The following SORD variants were observed in gnomAD, a reference collection of about 807,000 sequenced individuals.
SORD encodes (R,R)-butanediol dehydrogenase.
SORD carries 18 observed loss-of-function variants against 35.6 expected under a neutral mutation model. The observed-to-expected ratio is 0.51, with a 90% CI of 0.35 to 0.75. The LOEUF is 0.75. Ranked by LOEUF, SORD falls within the 30% of genes least tolerant of loss-of-function variation. SORD has a pLI of 0.01. For missense variants in SORD, 250 were observed against 390.2 expected (o/e 0.64, Z 3.03); for synonymous variants, 106 against 152.9 (o/e 0.69, Z 2.26).
chr15:45,051,475 G>A (rs1950204524), intron 3 of SORD, among the ~76,000 whole-genome samples: 1 of 152,238 alleles, frequency 6.6e-6, no homozygotes, highest in Middle Eastern at 3.4e-3. Context: ...TTGATTTGGG[G>A]GAGCCTGTTA....
At chr15:45,038,622 A>C (rs34533787) in intron 1 of SORD, among the ~76,000 whole-genome samples, 1 of 152,134 alleles carries the variant, frequency 6.6e-6, no homozygotes, top group Non-Finnish European at 1.5e-5. Flanking sequence ...ACTTGAGTTT[A>C]GGGACAAGCA....
chr15:45,026,474 C>T (rs1430558880), intron 1 of SORD, among the ~76,000 whole-genome samples: 1 of 152,102 alleles, frequency 6.6e-6, no homozygotes, highest in African/African-American at 2.4e-5. Flanking sequence ...TGATGTAAGA[C>T]CACCAGCCAC....
intron 3 of SORD, among the ~76,000 whole-genome samples, chr15:45,052,287 T>C (rs936663589): frequency 2.0e-5 from 3 of 152,132 alleles, no homozygotes; most frequent in Middle Eastern, 3.2e-3. Context: ...AACATAAGGA[T>C]TGAATGGCTG....
intron 1 of SORD, among the ~76,000 whole-genome samples, chr15:45,028,371 T>C (rs1350676929): frequency 1.3e-5 from 2 of 152,218 alleles, no homozygotes; most frequent in Non-Finnish European, 1.5e-5. Context: ...TTCTAAATGC[T>C]CCTCTCAATT....
At chr15:45,045,746 G>A (rs1446108421) in intron 3 of SORD, among the ~76,000 whole-genome samples, 1 of 152,024 alleles carries the variant, frequency 6.6e-6, no homozygotes, top group Non-Finnish European at 1.5e-5. Context: ...GCTTACACCT[G>A]TAATCTCAGC....
Position 45,040,267 on chromosome 15 carries a change from A to C in SORD, c.67-141A>C, listed in dbSNP as rs60788258. Reference sequence around the variant, plus strand: ...AGCGTATCCCCTCAGGCATGCACCCAGGAGCAGTGTGGTCTGAGCTTGTGT... The same window carrying C: ...AGCGTATCCCCTCAGGCATGCACCCCGGAGCAGTGTGGTCTGAGCTTGTGT... On this transcript the variant is annotated intron_variant, in intron 1 of 8. Transcript: ENST00000267814. 2,147 of 633,458 alleles carry C rather than the reference A, an allele frequency of 3.4e-3. 39 individuals carry two copies. The African/African-American group carries it at 0.036, about 11-fold the overall frequency. 39.2% of individuals were successfully genotyped at this position (633,458 alleles called of 1,614,324 possible).
intron 5 of SORD, among the ~76,000 whole-genome samples, chr15:45,066,128 C>T (rs1893400691): frequency 6.6e-6 from 1 of 151,250 alleles, no homozygotes; most frequent in South Asian, 2.1e-4. Context: ...CCCTGTAGTC[C>T]CAGCTACTTG....
intron 3 of SORD, among the ~76,000 whole-genome samples, chr15:45,059,874 T>A (rs930767500): frequency 3.7e-4 from 56 of 152,296 alleles, no homozygotes; most frequent in African/African-American, 1.3e-3. Context: ...CAAAAGAGTA[T>A]CTACTGTATG....
chr15:45,057,727 G>A (rs895363327), intron 3 of SORD, among the ~76,000 whole-genome samples: 1 of 152,166 alleles, frequency 6.6e-6, no homozygotes, highest in African/African-American at 2.4e-5. Context: ...AGCTTGCAGT[G>A]AGCCCAGATT....
At chr15:45,048,824 T>C (rs1893084765) in intron 3 of SORD, among the ~76,000 whole-genome samples, 1 of 152,108 alleles carries the variant, frequency 6.6e-6, no homozygotes, top group South Asian at 2.1e-4. Context: ...TGTTTCACAG[T>C]TGAATACAAA....
chr15:45,038,132 CT>C (rs2141267774), intron 1 of SORD, among the ~76,000 whole-genome samples: 1 of 42,264 alleles, frequency 2.4e-5, no homozygotes, highest in Non-Finnish European at 4.4e-5. Flanking sequence ...TCCTCCCTTC[CT>C]TCCTTCCTTC....
intron 4 of SORD, among the ~76,000 whole-genome samples, chr15:45,064,658 G>C (rs1163771332): frequency 3.9e-5 from 6 of 152,158 alleles, no homozygotes; most frequent in Non-Finnish European, 8.8e-5. Context: ...TAATATGGGA[G>C]GCGACTATCA....
chr15:45,029,175 T>A (rs1892728249), intron 1 of SORD, among the ~76,000 whole-genome samples: 1 of 152,282 alleles, frequency 6.6e-6, no homozygotes, highest in South Asian at 2.1e-4. Context: ...ATCTTAATTA[T>A]GTTTTAACAA....
At chr15:45,050,911 G>A (rs1252200966) in intron 3 of SORD, among the ~76,000 whole-genome samples, 1 of 152,160 alleles carries the variant, frequency 6.6e-6, no homozygotes, top group Non-Finnish European at 1.5e-5. Flanking sequence ...AAGTTAAAAA[G>A]GATTAGTTCA....
chr15:45,045,255 T>C (rs1198722077), intron 3 of SORD, among the ~76,000 whole-genome samples: 1 of 152,112 alleles, frequency 6.6e-6, no homozygotes, highest in Non-Finnish European at 1.5e-5. Context: ...AGGAAGCGAA[T>C]GGCTGGGTGC....
intron 1 of SORD, 66 bp from the exon 2 acceptor site, chr15:45,040,342 G>T: frequency 2.1e-6 from 2 of 966,928 alleles, no homozygotes; most frequent in South Asian, 1.4e-5. Flanking sequence ...TGTTTTTAAT[G>T]GAAAATGTTC....
chr15:45,064,972 T>G (rs112015212), intron 4 of SORD, among the ~76,000 whole-genome samples: 2,670 of 152,284 alleles, frequency 0.018, 44 homozygotes, highest in African/African-American at 0.038. Flanking sequence ...AACATATCTG[T>G]CTTCTAATTT....
intron 3 of SORD, among the ~76,000 whole-genome samples, chr15:45,059,629 G>T: frequency 6.6e-6 from 1 of 152,078 alleles, no homozygotes; most frequent in Non-Finnish European, 1.5e-5. Context: ...AAGTAGCTGG[G>T]ACCACATGCA....
chr15:45,067,859 A>G (rs749066150), intron 5 of SORD, among the ~76,000 whole-genome samples: 2 of 152,348 alleles, frequency 1.3e-5, no homozygotes, highest in East Asian at 1.9e-4. Flanking sequence ...TATTTTCTGA[A>G]TAAGTTTGTG....
Sources: allele counts gnomAD v4.1 joint callset (sites outside exome capture counted in the v4.1 genomes callset), GRCh38; gene constraint gnomAD v4.1.1; transcripts MANE v1.5; gene names NCBI Gene and HGNC (gene_info 2026-07-23, HGNC 2026-07-21).